The following PRDM16 variants were observed in gnomAD, a reference collection of about 807,000 sequenced individuals.
PRDM16 encodes PR/SET domain 16.
PRDM16 carries 23 observed loss-of-function variants against 110.6 expected under a neutral mutation model. The ratio of observed to expected loss-of-function variants is 0.21; its 90% CI spans 0.15 to 0.29. The LOEUF is 0.29. PRDM16 is among the 10% of genes least tolerant of loss of function. The pLI is 1.00. For synonymous variants in PRDM16, 799 were observed against 781.8 expected (o/e 1.02, Z -0.37); for missense variants, 1,615 against 1,794.3 (o/e 0.90, Z 1.81).
chr1:3,095,888 C>T (rs534232368), intron 1 of PRDM16, among the ~76,000 whole-genome samples: 1 of 152,204 alleles, frequency 6.6e-6, no homozygotes, highest in African/African-American at 2.4e-5. Flanking sequence ...AGAGGGTGGC[C>T]TTTGCCTGCA....
At chr1:3,386,658 T>A (rs557729475) in intron 4 of PRDM16, 3 of 152,258 alleles carry the variant, frequency 2.0e-5, no homozygotes, top group African/African-American at 4.8e-5. Flanking sequence ...CTTAAAAAAA[T>A]TTTTTTCTTT....
chr1:3,213,625 G>A lies in PRDM16; in HGVS notation c.387+27151G>A, dbSNP rs1369253612. On this transcript the variant is annotated intron_variant, in intron 2 of 16. Coordinates refer to ENST00000270722, the MANE Select transcript of PRDM16 (RefSeq NM_022114.4). The surrounding 1 kb of genome is among the most constrained non-coding windows in gnomAD (Gnocchi z 5.3). Reference sequence around the variant, plus strand: ...CAAGTGCGGCATTCTGGAGGGAGGTGGCACTTGTTTCCATGAGATGCTCCA... The same window carrying A: ...CAAGTGCGGCATTCTGGAGGGAGGTAGCACTTGTTTCCATGAGATGCTCCA... Among the ~76,000 whole-genome samples the A allele has an allele frequency of 6.6e-6, 1 of 152,120 alleles. No homozygotes were observed. The highest frequency in any genetic ancestry group is 2.4e-5 in the African/African-American group (1 of 41,406).
chr1:3,140,709 C>CT (rs1643532914), intron 1 of PRDM16, among the ~76,000 whole-genome samples: 1 of 152,218 alleles, frequency 6.6e-6, no homozygotes, highest in South Asian at 2.1e-4. Context: ...CATGGGCTGC[C>CT]TGGCCTCCCA....
At chr1:3,210,820 C>T (rs549452466) in intron 2 of PRDM16, among the ~76,000 whole-genome samples, 9 of 152,326 alleles carry the variant, frequency 5.9e-5, no homozygotes, top group South Asian at 2.1e-4. Context: ...GCTTTGTCCA[C>T]GTATTCATGA....
At chr1:3,117,828 G>A (rs1483169522) in intron 1 of PRDM16, among the ~76,000 whole-genome samples, 1 of 152,162 alleles carries the variant, frequency 6.6e-6, no homozygotes, top group Non-Finnish European at 1.5e-5. Flanking sequence ...GTCTTGGGGA[G>A]AGGCCTCCGC....
intron 3 of PRDM16, among the ~76,000 whole-genome samples, chr1:3,253,757 A>G (rs1285269353): frequency 3.3e-5 from 5 of 152,030 alleles, no homozygotes; most frequent in Non-Finnish European, 4.4e-5. Context: ...TGGTATTTCT[A>G]GTTCTAGATC....
intron 8 of PRDM16, among the ~76,000 whole-genome samples, chr1:3,409,959 T>G (rs543473682): frequency 5.7e-4 from 52 of 90,604 alleles, no homozygotes; most frequent in African/African-American, 2.3e-3. Flanking sequence ...TGTGTGCGTG[T>G]GGGGGGTGTG....
rs1271448990 is a variant in PRDM16, at chr1:3,080,864, C to A, written c.37+11568C>A. ...GAGACTCGGCGTCTCCGACCCTGAG[C>A]CCACATGAGTAGCAGAACCCCGGCC... On this transcript the variant is annotated intron_variant, in intron 1 of 16. Coordinates refer to ENST00000270722, the MANE Select transcript of PRDM16 (RefSeq NM_022114.4). This position sits in a 1 kb window ranked among gnomAD's most constrained non-coding sequence, Gnocchi z 5.2. Among the ~76,000 whole-genome samples, 1 of 152,106 alleles carries A rather than the reference C, an allele frequency of 6.6e-6. No individual in the cohort carries two copies. The highest frequency in any genetic ancestry group is 1.5e-5 in the Non-Finnish European group (1 of 68,012).
At chr1:3,141,804 A>G (rs998319631) in intron 1 of PRDM16, among the ~76,000 whole-genome samples, 10 of 152,232 alleles carry the variant, frequency 6.6e-5, no homozygotes, top group Admixed American at 6.5e-4. Flanking sequence ...GGAAGCATAG[A>G]TGCATTCTCA....
chr1:3,248,335 CT>C (rs1639842743), intron 3 of PRDM16, among the ~76,000 whole-genome samples: 1 of 152,204 alleles, frequency 6.6e-6, no homozygotes, highest in Non-Finnish European at 1.5e-5. Context: ...TTCCTTCCCC[CT>C]CTTGAAAAGG....
At chr1:3,121,196 G>A (rs902054429) in intron 1 of PRDM16, among the ~76,000 whole-genome samples, 14 of 152,122 alleles carry the variant, frequency 9.2e-5, no homozygotes, top group Non-Finnish European at 1.0e-4. Context: ...CCCGAGCTGC[G>A]TAAGATCAGC....
chr1:3,271,074 T>C (rs1217470337), intron 3 of PRDM16, among the ~76,000 whole-genome samples: 1 of 152,156 alleles, frequency 6.6e-6, no homozygotes, highest in African/African-American at 2.4e-5. Context: ...CCGGCCTGCC[T>C]GCCCCGCCAC....
intron 14 of PRDM16, among the ~76,000 whole-genome samples, chr1:3,429,323 G>A (rs72851355): frequency 0.02 from 3,031 of 152,338 alleles, 119 homozygotes; most frequent in African/African-American, 0.069. Context: ...TGTCCGTGCC[G>A]GATGCTCCGC....
chr1:3,125,810 G>A lies in PRDM16; in HGVS notation c.37+56514G>A, dbSNP rs542525347. The stretch of plus-strand genomic sequence containing the variant: ...GCGGAGCGCGGCACAGGCGAGGCGC[G>A]GCCAAGGGTGCAGGTCCCTGCACTG... On this transcript the variant is annotated intron_variant, in intron 1 of 16. Transcript: ENST00000270722. 9.8e-5 allele frequency among the ~76,000 whole-genome samples: 15 copies of A among 152,320 alleles called. No individual in the cohort carries two copies. In the South Asian group the frequency reaches 1.9e-3, roughly 19 times the overall value.
intron 2 of PRDM16, among the ~76,000 whole-genome samples, chr1:3,200,898 G>A (rs879922120): frequency 1.3e-4 from 19 of 151,898 alleles, no homozygotes; most frequent in Non-Finnish European, 2.4e-4. Context: ...GACAAGAGCC[G>A]AACCGGGGGC....
intron 6 of PRDM16, among the ~76,000 whole-genome samples, chr1:3,403,556 G>A (rs960530612): frequency 2.0e-5 from 3 of 152,220 alleles, no homozygotes; most frequent in Admixed American, 6.5e-5. Flanking sequence ...AGGTGGCAGC[G>A]GACTGTCCCA....
chr1:3,431,380 A>G lies in PRDM16; in HGVS notation c.3521+272A>G, dbSNP rs576351162. 1.4e-3 allele frequency among the ~76,000 whole-genome samples: 205 copies of G among 150,838 alleles called. 1 individual carries two copies. Among genetic ancestry groups the G allele is most frequent in the African/African-American group, 4.6e-3 (189 of 41,178 alleles). On this transcript the variant is annotated intron_variant, in intron 15 of 16. Transcript: ENST00000270722. ...AGGCATTTCCCTGCACTGAGCAGAC[A>G]TGGAGGCCCCCGGCCCTGCAGCAGA... is the stretch of plus-strand genomic sequence containing the variant.
intron 1 of PRDM16, among the ~76,000 whole-genome samples, chr1:3,146,455 C>G (rs537436618): frequency 1.3e-5 from 2 of 148,418 alleles, no homozygotes; most frequent in Admixed American, 1.3e-4. Flanking sequence ...CACATGTGTT[C>G]AGTGTGGGGT....
At chr1:3,395,325 A>G (rs1643369145) in intron 4 of PRDM16, among the ~76,000 whole-genome samples, 2 of 151,906 alleles carry the variant, frequency 1.3e-5, no homozygotes, top group Non-Finnish European at 2.9e-5. Context: ...TGGGAGTGTC[A>G]CCCACAAGGA....
Sources: allele counts gnomAD v4.1 joint callset (sites outside exome capture counted in the v4.1 genomes callset), GRCh38; gene constraint gnomAD v4.1.1; non-coding constraint Gnocchi (gnomAD v3.1); transcripts MANE v1.5; gene names NCBI Gene and HGNC (gene_info 2026-07-23, HGNC 2026-07-21).